Variants in TBC1D12 observed in about 807,000 individuals in gnomAD.
TBC1D12 encodes TBC1 domain family member 12, also known as TBC1 domain family, member 12.
TBC1D12 carries 56 observed loss-of-function variants against 86.7 expected under a neutral mutation model. That is an observed-to-expected ratio of 0.65 (90% CI 0.52 to 0.81). TBC1D12 has a LOEUF of 0.81. TBC1D12 is among the 30% of genes least tolerant of loss of function. TBC1D12 has a pLI of 0.00. For synonymous variants in TBC1D12, 421 were observed against 411.7 expected, an observed-to-expected ratio of 1.02 and a Z score of -0.27; for missense variants, 1,023 against 1,038.8, an observed-to-expected ratio of 0.98 and a Z score of 0.21.
At chr10:94,459,232 C>G (rs563306672) in intron 2 of TBC1D12, among the ~76,000 whole-genome samples, 1 of 152,054 alleles carries the variant, frequency 6.6e-6, no homozygotes, top group East Asian at 1.9e-4. Context: ...CACAAAAGTT[C>G]GCCAAGTCCC....
chr10:94,462,323 T>C (rs549694486), intron 2 of TBC1D12, among the ~76,000 whole-genome samples: 4 of 152,338 alleles, frequency 2.6e-5, no homozygotes, highest in Admixed American at 1.3e-4. Flanking sequence ...ACATAGTACA[T>C]ATTTACATGA....
At chr10:94,516,576 C>T (rs904136236) in intron 9 of TBC1D12, among the ~76,000 whole-genome samples, 2 of 121,514 alleles carry the variant, frequency 1.6e-5, no homozygotes, top group Non-Finnish European at 3.3e-5. Context: ...CCTCCCCCCA[C>T]CCCATGACAG....
chr10:94,507,354 T>C lies in TBC1D12; in HGVS notation c.1600+7T>C. ...TCAGAGAATGATACAGAAGGTGTGATTTCTTTTTTTAAATAAGAATTTTAG... is the reference window on the plus strand; with the variant it reads ...TCAGAGAATGATACAGAAGGTGTGACTTCTTTTTTTAAATAAGAATTTTAG... On this transcript the variant is annotated splice_region_variant and intron_variant, in intron 7 of 12. Transcript: ENST00000225235. The C allele has an allele frequency of 6.3e-7, 1 of 1,587,068 alleles. No individual in the cohort carries two copies. Among genetic ancestry groups the C allele is most frequent in the Non-Finnish European group, 8.5e-7 (1 of 1,173,248 alleles).
chr10:94,506,042 T>A (rs977455630), intron 6 of TBC1D12, among the ~76,000 whole-genome samples: 2 of 15,376 alleles, frequency 1.3e-4, no homozygotes, highest in Admixed American at 6.8e-4. Context: ...CTTTTTGAAA[T>A]TTTTTTTTTT....
chr10:94,523,557 T>C (rs1473941222), intron 11 of TBC1D12, among the ~76,000 whole-genome samples: 1 of 152,196 alleles, frequency 6.6e-6, no homozygotes, highest in African/African-American at 2.4e-5. Context: ...TCTGAAATTT[T>C]TTTTAAAAAT....
At chr10:94,522,317 T>A in intron 10 of TBC1D12, 27 bp from the exon 11 acceptor site, 14 of 1,250,348 alleles carry the variant, frequency 1.1e-5, no homozygotes, top group Non-Finnish European at 1.6e-5. Context: ...TATACTTTCA[T>A]AATTTTATTG....
Position 94,474,702 on chromosome 10 carries a change from C to T in TBC1D12, c.1130C>T (p.Pro377Leu). The change falls in exon 3 of 13, where the codon CCA becomes CTA. Residue 377 changes from proline to leucine, a missense_variant. By Grantham distance (98) the Pro-to-Leu change is moderately conservative. Transcript: ENST00000225235. Reference sequence around the variant, plus strand: ...GCACGAACGGGGAGGACCTGTAAACCACCACCTCAGTCTTCAAGACGCAAG... The same window carrying T: ...GCACGAACGGGGAGGACCTGTAAACTACCACCTCAGTCTTCAAGACGCAAG... ...YEARTGRTCK[P>L]PPQSSRRKNF... is the part of the protein sequence containing the mutation. The T allele has an allele frequency of 6.2e-7, 1 of 1,613,954 alleles. No individual in the cohort carries two copies. Among genetic ancestry groups the T allele is most frequent in the Non-Finnish European group, 8.5e-7 (1 of 1,179,978 alleles).
rs978758915 is a variant in TBC1D12, at chr10:94,531,362, C to G, written c.2161C>G (p.Gln721Glu). The G allele has an allele frequency of 5.0e-6, 8 of 1,614,096 alleles. No homozygotes were observed. Among genetic ancestry groups the G allele is most frequent in the Non-Finnish European group, 6.8e-6 (8 of 1,180,014 alleles). ...LLQMDFIHIAQFLTKLPEDIT... is the reference protein window; with the variant it reads ...LLQMDFIHIAEFLTKLPEDIT... Reference sequence around the variant, plus strand: ...GCAGATGGACTTTATTCATATAGCACAGTTTCTAACTAAATTGCCAGAAGA... The same window carrying G: ...GCAGATGGACTTTATTCATATAGCAGAGTTTCTAACTAAATTGCCAGAAGA... Residue 721 changes from glutamine to glutamate, a missense_variant, in exon 12 of 13, where the codon CAG becomes GAG. By Grantham distance (29) the Gln-to-Glu change is conservative. Coordinates refer to ENST00000225235, the MANE Select transcript of TBC1D12 (RefSeq NM_015188.2).
At chr10:94,505,607 T>G (rs1564981996) in intron 6 of TBC1D12, among the ~76,000 whole-genome samples, 1 of 137,972 alleles carries the variant, frequency 7.2e-6, no homozygotes, top group Non-Finnish European at 1.5e-5. Flanking sequence ...GAATTCTAAG[T>G]TTTTTTTTTT....
intron 1 of TBC1D12, among the ~76,000 whole-genome samples, chr10:94,411,124 A>G (rs1437964215): frequency 1.3e-5 from 2 of 152,216 alleles, no homozygotes; most frequent in Non-Finnish European, 2.9e-5. Flanking sequence ...GCAAAGGTCT[A>G]ACTCTGCCTT....
rs755850781 is a variant in TBC1D12, at chr10:94,402,638, G to T, written c.25G>T (p.Ala9Ser). Residue 9 changes from alanine to serine, a missense_variant, in exon 1 of 13, where the codon GCC (alanine) becomes TCC (serine). This residue lies in a region of TBC1D12 where 628 missense variants were observed against 531.1 expected (regional missense o/e 1.18). Transcript: ENST00000225235. MVGPEDAG[A>S]CSGRNPKLLP... Reference sequence around the variant, plus strand: ...GATGGTGGGTCCGGAGGATGCCGGAGCCTGCTCGGGAAGAAACCCCAAGTT... The same window carrying T: ...GATGGTGGGTCCGGAGGATGCCGGATCCTGCTCGGGAAGAAACCCCAAGTT... 9 of 1,611,834 alleles carry T rather than the reference G, an allele frequency of 5.6e-6. No individual in the cohort carries two copies. The South Asian group carries it at 9.9e-5, about 18-fold the overall frequency.
intron 3 of TBC1D12, among the ~76,000 whole-genome samples, chr10:94,485,688 A>T (rs1412350673): frequency 2.6e-5 from 4 of 151,664 alleles, no homozygotes; most frequent in African/African-American, 9.7e-5. Flanking sequence ...TTCTTCTTTA[A>T]ATGTTTGGTA....
In TBC1D12 at chr10:94,533,324, AG is replaced by A. The variant is rs567617096; in HGVS notation, c.*229del. ...GGTAGAGTCATTTTTCAAAGGAAAA[AG>A]TTTAAGTGGTGAGTTTATATTCCAC... On this transcript the variant is annotated 3_prime_UTR_variant, in exon 13 of 13. Coordinates refer to ENST00000225235, the MANE Select transcript of TBC1D12 (RefSeq NM_015188.2). The A allele has an allele frequency of 2.6e-3, 862 of 328,088 alleles. 3 individuals are homozygous for A. The highest frequency in any genetic ancestry group is 5.5e-3 in the Admixed American group (112 of 20,418). The allele number at this position is 328,088 out of a possible 1,614,324, so 20.3% of individuals were successfully genotyped here.
chr10:94,469,762 C>T (rs7921721), intron 2 of TBC1D12, among the ~76,000 whole-genome samples: 68,245 of 151,858 alleles, frequency 0.45, 15,556 homozygotes, highest in East Asian at 0.73. Context: ...GAGTTCTTTC[C>T]TGATGGGGCA....
chr10:94,532,746 A>G (rs926437280), intron 12 of TBC1D12, among the ~76,000 whole-genome samples: 4 of 152,180 alleles, frequency 2.6e-5, no homozygotes, highest in Non-Finnish European at 5.9e-5. Flanking sequence ...TCAATCCATG[A>G]ATGATATAAA....
chr10:94,445,121 G>A (rs1424620392), intron 2 of TBC1D12, among the ~76,000 whole-genome samples: 2 of 151,030 alleles, frequency 1.3e-5, no homozygotes. Flanking sequence ...AGCACTTTGG[G>A]AGGCTGTGGC....
chr10:94,525,725 C>T (rs1001062790), intron 11 of TBC1D12, among the ~76,000 whole-genome samples: 1 of 148,588 alleles, frequency 6.7e-6, no homozygotes, highest in Non-Finnish European at 1.5e-5. Flanking sequence ...ATGTATATTA[C>T]ATTTTCTAAA....
At position 94,488,495 on chromosome 10, in the gene TBC1D12, A is replaced by G. The variant is rs530464732; in HGVS notation, c.1212-4870A>G. Among the ~76,000 whole-genome samples, 17 of 145,548 alleles carry G rather than the reference A, an allele frequency of 1.2e-4. No individual in the cohort carries two copies. In the South Asian group the frequency reaches 2.3e-3, roughly 20 times the overall value. On this transcript the variant is annotated intron_variant, in intron 3 of 12. Transcript: ENST00000225235. ...AACCTCCGCCTCCTGGGTTCAAGCA[A>G]TTCTCCTGCCTCAGCCTCCCGAGTA...
chr10:94,458,732 G>GT (rs2055669474), intron 2 of TBC1D12, among the ~76,000 whole-genome samples: 1 of 152,154 alleles, frequency 6.6e-6, no homozygotes, highest in South Asian at 2.1e-4. Flanking sequence ...TTCATGGTGA[G>GT]TGTTATAGCT....
Sources: gnomAD v4.1 joint callset for allele counts (sites outside exome capture counted in the v4.1 genomes callset) on GRCh38, gnomAD v4.1.1 for gene constraint, gnomAD v4.1.1 regional missense constraint, MANE v1.5 for transcripts, NCBI Gene and HGNC (gene_info 2026-07-23, HGNC 2026-07-21) for gene names.